Variants in ANK2 observed in about 807,000 individuals in gnomAD.
The protein encoded by ANK2 is ankyrin 2.
ANK2 carries 83 observed loss-of-function variants against 360.5 expected under a neutral mutation model. The ratio of observed to expected loss-of-function variants is 0.23; its 90% CI spans 0.19 to 0.28. The LOEUF (loss-of-function observed/expected upper bound fraction) is 0.28, where lower values mean the gene tolerates loss of function less well. Ranked by LOEUF, ANK2 falls within the 10% of genes least tolerant of loss-of-function variation. The pLI, the probability that ANK2 is intolerant of heterozygous loss-of-function variation, is 1.00. For missense variants in ANK2, 4,201 were observed against 4,795.7 expected (o/e 0.88, Z 3.66); for synonymous variants, 1,740 against 1,759.5 (o/e 0.99, Z 0.28).
chr4:113,319,929 G>A (rs539671478), intron 26 of ANK2, among the ~76,000 whole-genome samples: 18 of 152,160 alleles, frequency 1.2e-4, no homozygotes, highest in Non-Finnish European at 2.4e-4. Flanking sequence ...ATAATGAGGT[G>A]TTTAAAGTTC....
In ANK2 at chr4:113,019,668, A is replaced by G. The variant is rs150407772; in HGVS notation, c.21+115154A>G. ...ACATGAGAAAATTATAATGGTAATC[A>G]ACAAAATTTCAGTACTTCCCAGAAT... On this transcript the variant is annotated intron_variant, in intron 2 of 30. Transcript: ENST00000503271. Among the ~76,000 whole-genome samples, 874 of 152,320 alleles carry G rather than the reference A, an allele frequency of 5.7e-3. 10 individuals carry two copies. The highest frequency in any genetic ancestry group is 0.02 in the African/African-American group (820 of 41,578).
intron 20 of ANK2, among the ~76,000 whole-genome samples, chr4:113,290,284 T>C (rs1164914316): frequency 6.6e-6 from 1 of 151,970 alleles, no homozygotes; most frequent in Non-Finnish European, 1.5e-5. Context: ...ACTCTTCAGA[T>C]TTTTTTTCAC....
At chr4:112,782,762 AG>A in the ANK2 span, among the ~76,000 whole-genome samples, 1 of 151,728 alleles carries the variant, frequency 6.6e-6, no homozygotes, top group Non-Finnish European at 1.5e-5. Context: ...CCAGCTACTC[AG>A]GAGGCTGAGG....
At chr4:112,812,842 A>G in the ANK2 span, among the ~76,000 whole-genome samples, 2 of 152,264 alleles carry the variant, frequency 1.3e-5, no homozygotes, top group African/African-American at 2.4e-5. Context: ...CTATAAGACA[A>G]TGTGCTAAGC....
intron 2 of ANK2, chr4:113,034,545 A>G (rs2061155254): frequency 6.7e-6 from 1 of 149,222 alleles, no homozygotes; most frequent in South Asian, 2.1e-4. Context: ...CATGTCCTTG[A>G]GGGCAAGAAT....
At chr4:112,983,606 C>T (rs1439686991) in intron 2 of ANK2, among the ~76,000 whole-genome samples, 2 of 151,728 alleles carry the variant, frequency 1.3e-5, no homozygotes, top group South Asian at 4.2e-4. Context: ...ACCTGGGAGG[C>T]AGAGGTTGTG....
the ANK2 span, among the ~76,000 whole-genome samples, chr4:112,737,807 A>G: frequency 2.6e-5 from 4 of 152,134 alleles, no homozygotes; most frequent in Non-Finnish European, 5.9e-5. Flanking sequence ...ATTTTCTTCC[A>G]TTTGTACAAA....
chr4:113,094,287 C>T (rs2089964549), intron 1 of ANK2, among the ~76,000 whole-genome samples: 1 of 152,106 alleles, frequency 6.6e-6, no homozygotes, highest in Non-Finnish European at 1.5e-5. Context: ...CTGAGGAGTG[C>T]TGTTATGCTT....
chr4:112,725,437 T>C, the ANK2 span, among the ~76,000 whole-genome samples: 88 of 131,832 alleles, frequency 6.7e-4, no homozygotes, highest in African/African-American at 2.4e-3. Flanking sequence ...CTCGGCTCAC[T>C]GCAACCTCTG....
At chr4:113,060,907 A>AGG (rs1443871021) in intron 1 of ANK2, among the ~76,000 whole-genome samples, 6 of 152,114 alleles carry the variant, frequency 3.9e-5, no homozygotes, top group Admixed American at 1.3e-4. Context: ...TGACACCCTT[A>AGG]GCATAGCCTC....
intron 2 of ANK2, among the ~76,000 whole-genome samples, chr4:112,960,036 TG>T (rs2033881533): frequency 6.6e-6 from 1 of 152,130 alleles, no homozygotes; most frequent in Non-Finnish European, 1.5e-5. Flanking sequence ...TGGTCTCCTG[TG>T]GTGGCAATGA....
intron 1 of ANK2, among the ~76,000 whole-genome samples, chr4:113,094,543 CATGT>C (rs768509576): frequency 6.6e-6 from 1 of 150,924 alleles, no homozygotes; most frequent in Non-Finnish European, 1.5e-5. Context: ...TGTGTGCATG[CATGT>C]GTGTGCGCGT....
At chr4:113,033,623 A>G (rs2060916821) in intron 2 of ANK2, among the ~76,000 whole-genome samples, 2 of 152,000 alleles carry the variant, frequency 1.3e-5, no homozygotes, top group South Asian at 2.1e-4. Context: ...GTGTGTGTAT[A>G]AAGTATCAAA....
At chr4:112,997,507 G>A (rs1210193942) in intron 2 of ANK2, among the ~76,000 whole-genome samples, 3 of 152,036 alleles carry the variant, frequency 2.0e-5, no homozygotes, top group Non-Finnish European at 4.4e-5. Flanking sequence ...AGATGCAGAG[G>A]TGATGCCTCC....
At chr4:112,778,698 C>G in the ANK2 span, among the ~76,000 whole-genome samples, 1 of 152,118 alleles carries the variant, frequency 6.6e-6, no homozygotes, top group Non-Finnish European at 1.5e-5. Flanking sequence ...TGACAAGGGG[C>G]GCCAGCCTGC....
At chr4:112,734,355 G>A in the ANK2 span, among the ~76,000 whole-genome samples, 1 of 152,196 alleles carries the variant, frequency 6.6e-6, no homozygotes, top group Admixed American at 6.5e-5. Context: ...CTTTAGCTTG[G>A]TGAGTAGTGG....
At chr4:112,747,463 G>A in the ANK2 span, among the ~76,000 whole-genome samples, 4 of 152,328 alleles carry the variant, frequency 2.6e-5, no homozygotes, top group African/African-American at 9.6e-5. Flanking sequence ...GGTGGTTTAT[G>A]TGCATAATTG....
intron 2 of ANK2, among the ~76,000 whole-genome samples, chr4:113,022,582 A>T (rs1378585927): frequency 6.6e-6 from 1 of 152,208 alleles, no homozygotes; most frequent in Non-Finnish European, 1.5e-5. Flanking sequence ...TTTACAGCTT[A>T]CCATAATAGG....
chr4:112,935,435 T>C (rs915983275), intron 2 of ANK2, among the ~76,000 whole-genome samples: 1 of 152,306 alleles, frequency 6.6e-6, no homozygotes, highest in Admixed American at 6.5e-5. Flanking sequence ...GAGAAAGATG[T>C]CTGAGCCAGG....
Sources: allele counts gnomAD v4.1 joint callset (sites outside exome capture counted in the v4.1 genomes callset), GRCh38; gene constraint gnomAD v4.1.1; transcripts MANE v1.5; gene names NCBI Gene and HGNC (gene_info 2026-07-23, HGNC 2026-07-21).